Variants in ERCC8 observed in about 807,000 individuals in gnomAD.
ERCC8 encodes the protein ERCC excision repair 8, CSA ubiquitin ligase complex subunit.
A neutral mutation model predicts 54.9 loss-of-function variants in ERCC8; 52 were observed. That is an observed-to-expected ratio of 0.95 (90% CI 0.76 to 1.19). The LOEUF (loss-of-function observed/expected upper bound fraction) is 1.19. ERCC8 is among the 50% of genes most tolerant of loss of function. The pLI is 0.00. For synonymous variants in ERCC8, 146 were observed against 157.2 expected, an observed-to-expected ratio of 0.93 and a Z score of 0.53; for missense variants, 514 against 466.1, an observed-to-expected ratio of 1.10 and a Z score of -0.95.
intron 4 of ERCC8, among the ~76,000 whole-genome samples, chr5:60,912,874 G>T (rs1749312999): frequency 1.3e-5 from 2 of 152,100 alleles, no homozygotes; most frequent in Non-Finnish European, 2.9e-5. Context: ...CATTGGTTCT[G>T]TTTATGTGAT....
chr5:60,884,492 A>G (rs902896412), intron 11 of ERCC8, among the ~76,000 whole-genome samples: 1 of 150,308 alleles, frequency 6.7e-6, no homozygotes, highest in African/African-American at 2.4e-5. Context: ...AAAAAAAAAA[A>G]AAGACTATGT....
intron 11 of ERCC8, among the ~76,000 whole-genome samples, chr5:60,879,547 G>T (rs1292821591): frequency 6.6e-6 from 1 of 151,958 alleles, no homozygotes; most frequent in African/African-American, 2.4e-5. Flanking sequence ...ATGAATCTGG[G>T]TGCTCCTGTA....
chr5:60,875,853 C>A (rs762072406), intron 11 of ERCC8, among the ~76,000 whole-genome samples: 1 of 151,712 alleles, frequency 6.6e-6, no homozygotes, highest in African/African-American at 2.4e-5. Context: ...CCTGCCACCA[C>A]GCCTGGATAA....
intron 9 of ERCC8, among the ~76,000 whole-genome samples, chr5:60,895,949 C>T (rs982748941): frequency 3.3e-5 from 5 of 152,176 alleles, no homozygotes; most frequent in Admixed American, 6.5e-5. Context: ...TTCCTCCAAT[C>T]CATCCTACAA....
At chr5:60,930,505 C>T (rs957771511) in intron 1 of ERCC8, among the ~76,000 whole-genome samples, 32 of 151,734 alleles carry the variant, frequency 2.1e-4, no homozygotes, top group Non-Finnish European at 5.9e-5. Context: ...TGCAGTAAGC[C>T]GAGATCACAC....
chr5:60,877,992 G>A (rs1447296538), intron 11 of ERCC8, among the ~76,000 whole-genome samples: 1 of 152,192 alleles, frequency 6.6e-6, no homozygotes, highest in Non-Finnish European at 1.5e-5. Flanking sequence ...CATTCAGTAT[G>A]ATATTGGCTG....
rs188527677 is a variant in ERCC8 at position 60,897,566 on chromosome 5, G to A, written c.843+710C>T. ...TTGTTCTGAAAATTATTAAACCATA[G>A]GCATATCTGATAAGACTATAACCTA... is the stretch of plus-strand genomic sequence containing the variant. On this transcript the variant is annotated intron_variant, in intron 9 of 11. Coordinates refer to ENST00000676185, the MANE Select transcript of ERCC8 (RefSeq NM_000082.4). Among the ~76,000 whole-genome samples the A allele has an allele frequency of 2.4e-3, 366 of 152,076 alleles. 2 individuals are homozygous for A. The highest frequency in any genetic ancestry group is 8.4e-3 in the African/African-American group (349 of 41,506).
At chr5:60,932,370 A>G (rs1211307148) in intron 1 of ERCC8, among the ~76,000 whole-genome samples, 1 of 152,160 alleles carries the variant, frequency 6.6e-6, no homozygotes, top group Non-Finnish European at 1.5e-5. Flanking sequence ...CACTGTGCCT[A>G]AACTATTTGA....
intron 1 of ERCC8, among the ~76,000 whole-genome samples, chr5:60,937,231 T>C (rs1750093037): frequency 1.3e-5 from 2 of 152,152 alleles, no homozygotes; most frequent in Admixed American, 1.3e-4. Context: ...TTTTGTTAAA[T>C]GTACTGGTTT....
intron 1 of ERCC8, among the ~76,000 whole-genome samples, chr5:60,931,119 C>CA (rs781129159): frequency 0.08 from 9,253 of 115,738 alleles, 308 homozygotes; most frequent in African/African-American, 0.086. Flanking sequence ...GACTCCGTCT[C>CA]AAAAAAAAAA....
At chr5:60,892,396 G>A (rs990609570) in intron 9 of ERCC8, 1 of 542,944 alleles carries the variant, frequency 1.8e-6, no homozygotes, top group Non-Finnish European at 3.7e-6. Flanking sequence ...CGGTATCCTC[G>A]ATGTCAAAGA....
chr5:60,891,494 A>G (rs1748552719), intron 9 of ERCC8, among the ~76,000 whole-genome samples: 1 of 152,152 alleles, frequency 6.6e-6, no homozygotes, highest in Admixed American at 6.6e-5. Flanking sequence ...TTTCAAAAGA[A>G]TAATATTTTT....
At position 60,874,624 on chromosome 5, in the gene ERCC8, TTCA is replaced by T; in HGVS notation, c.1179_1181del (p.Asp393del). On this transcript the variant is annotated inframe_deletion, in exon 12 of 12. Coordinates refer to ENST00000676185, the MANE Select transcript of ERCC8 (RefSeq NM_000082.4). ...GTACTAAAGATGATATTCATCCTTC[TTCA>T]TCACTGCTGCTCCAGGCATCTTCAA... The T allele has an allele frequency of 6.2e-7, 1 of 1,613,648 alleles. No homozygotes were observed. Among genetic ancestry groups the T allele is most frequent in the Non-Finnish European group, 8.5e-7 (1 of 1,179,804 alleles).
At chr5:60,904,634 G>GTATATATATATATATATA (rs869039109) in intron 5 of ERCC8, among the ~76,000 whole-genome samples, 158 bp downstream of exon 5, 1 of 49,930 alleles carries the variant, frequency 2.0e-5, no homozygotes, top group Non-Finnish European at 3.6e-5. Flanking sequence ...GTGTGTGTGT[G>GTATATATATATATATATA]TATATATATA....
Position 60,938,456 on chromosome 5 carries a change from C to T in ERCC8, c.77+6476G>A, listed in dbSNP as rs560877872. 5.4e-5 allele frequency among the ~76,000 whole-genome samples: 8 copies of T among 149,214 alleles called. No homozygotes were observed. The South Asian group carries it at 6.3e-4, about 12-fold the overall frequency. ...GCAACCTCTGTCTCCAGAGTTCAAGCGATTCTCCTGCCTCAGCCCCCCGAG... is the reference window on the plus strand; with the variant it reads ...GCAACCTCTGTCTCCAGAGTTCAAGTGATTCTCCTGCCTCAGCCCCCCGAG... On this transcript the variant is annotated intron_variant, in intron 1 of 11. Coordinates refer to ENST00000676185, the MANE Select transcript of ERCC8 (RefSeq NM_000082.4).
chr5:60,914,290 T>C (rs924946159), intron 4 of ERCC8, among the ~76,000 whole-genome samples: 4 of 152,112 alleles, frequency 2.6e-5, no homozygotes, highest in African/African-American at 9.7e-5. Context: ...TGGGTGCATA[T>C]ATATTTAGGA....
At chr5:60,944,731 C>CT (rs1750381191) in intron 1 of ERCC8, among the ~76,000 whole-genome samples, 1 of 124,772 alleles carries the variant, frequency 8.0e-6, no homozygotes, top group Non-Finnish European at 1.8e-5. Context: ...CGGGGAACCC[C>CT]CCCCACCCCC....
At chr5:60,888,560 T>C (rs925040946) in intron 10 of ERCC8, among the ~76,000 whole-genome samples, 7 of 152,192 alleles carry the variant, frequency 4.6e-5, no homozygotes, top group African/African-American at 1.4e-4. Flanking sequence ...GAAAGAGATA[T>C]TGAAAGCAGC....
intron 11 of ERCC8, among the ~76,000 whole-genome samples, chr5:60,881,109 TG>T (rs1748204815): frequency 6.6e-6 from 1 of 151,926 alleles, no homozygotes. Flanking sequence ...ACAGGTCTGT[TG>T]AAGTTTGCTG....
Sources: gnomAD v4.1 joint callset for allele counts (sites outside exome capture counted in the v4.1 genomes callset) on GRCh38, gnomAD v4.1.1 for gene constraint, MANE v1.5 for transcripts, NCBI Gene and HGNC (gene_info 2026-07-23, HGNC 2026-07-21) for gene names.